BEAN1: variants seen among roughly 807,000 people sequenced by gnomAD.
BEAN1 encodes protein BEAN1.
Under a neutral mutation model 17.7 loss-of-function variants are expected in BEAN1, and 17 were observed. That is an observed-to-expected ratio of 0.96 (90% confidence interval 0.66 to 1.44). The LOEUF is 1.44. Ranked by LOEUF, BEAN1 falls within the 40% of genes most tolerant of loss-of-function variation. The probability of loss-of-function intolerance (pLI) is 0.00; values close to 1 mark genes in which losing one functional copy is unlikely to be tolerated. For missense variants in BEAN1, 359 were observed against 374.1 expected, an observed-to-expected ratio of 0.96 and a Z score of 0.33; for synonymous variants, 142 against 151.8, an observed-to-expected ratio of 0.94 and a Z score of 0.47.
intron 2 of BEAN1, among the ~76,000 whole-genome samples, chr16:66,456,356 G>A (rs1198103574): frequency 6.6e-6 from 1 of 152,214 alleles, no homozygotes; most frequent in East Asian, 1.9e-4. Context: ...AATGCAAGCT[G>A]GGGTGTGGGA....
At chr16:66,466,407 C>T (rs1963263023) in intron 2 of BEAN1, among the ~76,000 whole-genome samples, 1 of 152,190 alleles carries the variant, frequency 6.6e-6, no homozygotes, top group Non-Finnish European at 1.5e-5. Context: ...CTTCTCTCTG[C>T]CCACTTCAGA....
intron 2 of BEAN1, among the ~76,000 whole-genome samples, chr16:66,467,862 A>G (rs1219894499): frequency 6.6e-6 from 1 of 152,244 alleles, no homozygotes; most frequent in Non-Finnish European, 1.5e-5. Context: ...AGGCTGCAAG[A>G]GCCACCAGCA....
At position 66,482,802 on chromosome 16, in the gene BEAN1, T is replaced by A. The variant is rs1275309339; in HGVS notation, c.*1877T>A. ...CTGTGTTCAAAATAAATACATAATA[T>A]CAATAAAATGTAGCAAGAAGTAACA... On this transcript the variant is annotated 3_prime_UTR_variant, in exon 5 of 5. Transcript: ENST00000536005. 6.0e-5 allele frequency: 27 copies of A among 446,818 alleles called. No homozygotes were observed. Among genetic ancestry groups the A allele is most frequent in the East Asian group, 3.5e-4 (5 of 14,368 alleles). The allele number at this position is 446,818 out of a possible 1,614,324, so 27.7% of individuals were successfully genotyped here.
At chr16:66,445,900 G>A (rs973681686) in intron 2 of BEAN1, among the ~76,000 whole-genome samples, 33 of 152,118 alleles carry the variant, frequency 2.2e-4, no homozygotes, top group African/African-American at 8.0e-4. Flanking sequence ...TTAAGACAAT[G>A]GTCCAGGCCA....
At chr16:66,477,952 G>T (rs1176057815) in intron 4 of BEAN1, 2 of 404,122 alleles carry the variant, frequency 4.9e-6, no homozygotes, top group East Asian at 8.8e-5. Flanking sequence ...ACCTCCTCAG[G>T]CTGTTGAGTA....
exon 5 of BEAN1, chr16:66,493,059 A>G: frequency 1.4e-6 from 1 of 702,976 alleles, no homozygotes; most frequent in Admixed American, 2.0e-5. Context: ...GCCACCTTGG[A>G]GTCTGAGTTC....
Position 66,469,783 on chromosome 16 carries a change from G to A in BEAN1, c.207G>A (p.Arg69=). 2 of 1,535,894 alleles carry A rather than the reference G, an allele frequency of 1.3e-6. No individual in the cohort carries two copies. The highest frequency in any genetic ancestry group is 2.4e-5 in the South Asian group (2 of 84,036). ...GGGACAGGCAGGCCCGGCTTCAGCGGCACCGCCACCGCCACCACCGCCACC... is the reference window on the plus strand; with the variant it reads ...GGGACAGGCAGGCCCGGCTTCAGCGACACCGCCACCGCCACCACCGCCACC... ...IRRDRQARLQ[R]HRHRHHRHHH... The change falls in exon 3 of 5, where the codon CGG becomes CGA. Residue 69 remains arginine, a synonymous_variant. Coordinates refer to ENST00000536005, the MANE Select transcript of BEAN1 (RefSeq NM_001178020.3).
chr16:66,462,271 C>T (rs923424453), intron 2 of BEAN1, among the ~76,000 whole-genome samples: 3 of 152,214 alleles, frequency 2.0e-5, no homozygotes, highest in Non-Finnish European at 4.4e-5. Flanking sequence ...AGAAAAATTA[C>T]AAGCTTTAGT....
chr16:66,442,867 TAGAG>T (rs989983435), intron 2 of BEAN1, among the ~76,000 whole-genome samples: 5 of 152,110 alleles, frequency 3.3e-5, no homozygotes, highest in South Asian at 2.1e-4. Context: ...GAGGGGGAAA[TAGAG>T]AGAGATAGGG....
intron 4 of BEAN1, among the ~76,000 whole-genome samples, chr16:66,492,661 G>C (rs536231816): frequency 6.6e-6 from 1 of 151,442 alleles, no homozygotes; most frequent in African/African-American, 2.4e-5. Context: ...GGCTGGTCTC[G>C]AACTCCTGAC....
chr16:66,491,158 C>G (rs970882564), intron 4 of BEAN1, among the ~76,000 whole-genome samples: 9 of 152,218 alleles, frequency 5.9e-5, no homozygotes, highest in African/African-American at 2.2e-4. Context: ...TGTCTGCAGG[C>G]AAGCAGCCCT....
intron 1 of BEAN1, among the ~76,000 whole-genome samples, chr16:66,431,289 CAACA>C (rs941932817): frequency 6.6e-6 from 1 of 152,144 alleles, no homozygotes; most frequent in Admixed American, 6.6e-5. Context: ...TGGCTCTTGA[CAACA>C]AACAAACAAA....
At chr16:66,428,336 T>C (rs1201871686) in intron 1 of BEAN1, 1 of 152,402 alleles carries the variant, frequency 6.6e-6, no homozygotes, top group African/African-American at 2.4e-5. Flanking sequence ...AGGGCGCAAG[T>C]AACTGGTGTG....
At chr16:66,459,605 G>A (rs182320394) in intron 2 of BEAN1, among the ~76,000 whole-genome samples, 7 of 152,262 alleles carry the variant, frequency 4.6e-5, no homozygotes, top group Non-Finnish European at 8.8e-5. Flanking sequence ...ACAGGCATGA[G>A]CCACTGCACC....
chr16:66,429,278 A>G (rs1456778849), intron 1 of BEAN1, among the ~76,000 whole-genome samples: 1 of 152,224 alleles, frequency 6.6e-6, no homozygotes, highest in Non-Finnish European at 1.5e-5. Context: ...ATGAGGCACC[A>G]GAAATGAAGG....
intron 2 of BEAN1, among the ~76,000 whole-genome samples, chr16:66,458,431 C>T (rs1311080732): frequency 6.6e-6 from 1 of 152,218 alleles, no homozygotes; most frequent in Non-Finnish European, 1.5e-5. Context: ...TGGCCCCCTC[C>T]CCTCCCACCC....
chr16:66,472,153 T>C (rs74529370), intron 3 of BEAN1, among the ~76,000 whole-genome samples: 5 of 152,244 alleles, frequency 3.3e-5, no homozygotes, highest in Non-Finnish European at 7.3e-5. Flanking sequence ...TGCCTCCTTA[T>C]GGGAGCTTGT....
chr16:66,447,725 C>G (rs1962508156), intron 2 of BEAN1, among the ~76,000 whole-genome samples: 1 of 152,210 alleles, frequency 6.6e-6, no homozygotes, highest in African/African-American at 2.4e-5. Flanking sequence ...TAGATTCTCC[C>G]TACCTCATAG....
intron 2 of BEAN1, among the ~76,000 whole-genome samples, chr16:66,447,676 G>A (rs558549758): frequency 6.6e-6 from 1 of 152,292 alleles, no homozygotes; most frequent in East Asian, 1.9e-4. Flanking sequence ...CCTTGTGCCT[G>A]ACCCCATCAC....
Sources: allele counts gnomAD v4.1 joint callset (sites outside exome capture counted in the v4.1 genomes callset), GRCh38; gene constraint gnomAD v4.1.1; transcripts MANE v1.5; gene names NCBI Gene and HGNC (gene_info 2026-07-23, HGNC 2026-07-21).